Variants in TMCC3 observed in about 807,000 individuals in gnomAD.
TMCC3 encodes the protein transmembrane and coiled-coil domain family 3.
A neutral mutation model predicts 40.2 loss-of-function variants in TMCC3; 28 were observed. The ratio of observed to expected loss-of-function variants is 0.70; its 90% CI spans 0.52 to 0.95. The LOEUF is 0.95. TMCC3 is among the 40% of genes least tolerant of loss of function. The pLI is 0.00. For missense variants in TMCC3, 554 were observed against 615.2 expected (o/e 0.90, Z 1.05); for synonymous variants, 255 against 248.5 (o/e 1.03, Z -0.25).
chr12:94,615,978 C>A (rs1307946003), intron 1 of TMCC3: 1 of 985,388 alleles, frequency 1.0e-6, no homozygotes, highest in Non-Finnish European at 1.2e-6. Context: ...AGCTCACCCT[C>A]CTGCCCGAGG....
intron 1 of TMCC3, among the ~76,000 whole-genome samples, chr12:94,616,957 G>A (rs1414854094): frequency 1.3e-5 from 2 of 152,170 alleles, no homozygotes; most frequent in South Asian, 2.1e-4. Context: ...CATTTCCATG[G>A]AGCCAACTGG....
intron 1 of TMCC3, among the ~76,000 whole-genome samples, chr12:94,597,159 G>GATATATATATATATATATATATATATATA (rs2068722271): frequency 4.8e-5 from 1 of 20,972 alleles, no homozygotes; most frequent in African/African-American, 1.9e-4. Flanking sequence ...ATATATATAT[G>GATATATATATATATATATATATATATATA]TATATAAATT....
intron 2 of TMCC3, 34 bp downstream of exon 2, chr12:94,581,588 A>AC (rs2068601580): frequency 3.9e-6 from 5 of 1,278,760 alleles, no homozygotes; most frequent in Non-Finnish European, 5.0e-6. Flanking sequence ...TAAATAAAAA[A>AC]TAAAAAACAC....
At chr12:94,594,232 C>CACACACACACACAGAGAG (rs1446763750) in intron 1 of TMCC3, among the ~76,000 whole-genome samples, 10 of 147,914 alleles carry the variant, frequency 6.8e-5, no homozygotes, top group African/African-American at 2.6e-4. Context: ...CACACACACA[C>CACACACACACACAGAGAG]AGAGTGAGAG....
chr12:94,629,002 A>C (rs1170613804), intron 1 of TMCC3, among the ~76,000 whole-genome samples: 1 of 151,924 alleles, frequency 6.6e-6, no homozygotes, highest in East Asian at 1.9e-4. Context: ...CACTATAAAA[A>C]CCTGCTGGTT....
chr12:94,581,628 C>G lies in TMCC3; in HGVS notation c.989G>C (p.Arg330Thr). Reference protein sequence around the residue: ...GFISQTLQEERYRYERLEDQL... With the variant: ...GFISQTLQEETYRYERLEDQL... ...ATGGAATACTTTGAAATACCTGTATCTTTCCTCTTGCAGGGTCTGAGAAAT... is the reference window on the plus strand; with the variant it reads ...ATGGAATACTTTGAAATACCTGTATGTTTCCTCTTGCAGGGTCTGAGAAAT... Residue 330 changes from arginine to threonine, a missense_variant, in exon 2 of 4, where the codon AGA becomes ACA. Transcript: ENST00000261226. 1 of 1,514,716 alleles carries G rather than the reference C, an allele frequency of 6.6e-7. No individual in the cohort carries two copies. The highest frequency in any genetic ancestry group is 2.4e-5 in the East Asian group (1 of 41,720). The allele number at this position is 1,514,716 out of a possible 1,614,324, so 93.8% of individuals were successfully genotyped here.
At chr12:94,589,668 AT>A (rs796500353) in intron 1 of TMCC3, among the ~76,000 whole-genome samples, 8 of 152,112 alleles carry the variant, frequency 5.3e-5, no homozygotes, top group African/African-American at 1.9e-4. Flanking sequence ...CAGGCTGGAA[AT>A]TCTGGCTGTC....
chr12:94,646,501 C>T (rs890695151), intron 1 of TMCC3, among the ~76,000 whole-genome samples: 3 of 140,446 alleles, frequency 2.1e-5, no homozygotes, highest in African/African-American at 5.5e-5. Context: ...TGCAATGGCA[C>T]GATCTCAGCT....
At chr12:94,603,146 G>A (rs1007144016) in intron 1 of TMCC3, among the ~76,000 whole-genome samples, 3 of 152,144 alleles carry the variant, frequency 2.0e-5, no homozygotes, top group Non-Finnish European at 2.9e-5. Flanking sequence ...GTGCAGTGGC[G>A]CAATCTCGGT....
intron 1 of TMCC3, among the ~76,000 whole-genome samples, chr12:94,627,788 C>G (rs539968046): frequency 6.6e-6 from 1 of 152,358 alleles, no homozygotes; most frequent in East Asian, 1.9e-4. Context: ...CCCCAGCCCT[C>G]TTGTCTATTT....
chr12:94,609,206 T>C (rs1386334893), intron 1 of TMCC3, among the ~76,000 whole-genome samples: 4 of 151,864 alleles, frequency 2.6e-5, no homozygotes, highest in Non-Finnish European at 4.4e-5. Context: ...CCAGCCTGGG[T>C]GACAGAGTGA....
intron 1 of TMCC3, among the ~76,000 whole-genome samples, chr12:94,600,079 T>C (rs2068743578): frequency 6.6e-6 from 1 of 151,998 alleles, no homozygotes; most frequent in Admixed American, 6.6e-5. Context: ...AGAAAATGAA[T>C]GAATATGAAT....
intron 1 of TMCC3, among the ~76,000 whole-genome samples, chr12:94,612,921 C>G (rs1366148724): frequency 6.6e-6 from 1 of 152,114 alleles, no homozygotes; most frequent in African/African-American, 2.4e-5. Context: ...GTTAGAGGAG[C>G]AAGTGCCCCT....
At chr12:94,616,773 A>G (rs2068850432) in intron 1 of TMCC3, among the ~76,000 whole-genome samples, 1 of 152,152 alleles carries the variant, frequency 6.6e-6, no homozygotes, top group Non-Finnish European at 1.5e-5. Context: ...GATTTGGAGG[A>G]CTTGGTGCAG....
At chr12:94,599,771 G>A (rs2068741512) in intron 1 of TMCC3, among the ~76,000 whole-genome samples, 1 of 152,158 alleles carries the variant, frequency 6.6e-6, no homozygotes. Context: ...CCTAAAGACA[G>A]ATGTCTAACG....
chr12:94,633,243 G>C (rs890106958), intron 1 of TMCC3, among the ~76,000 whole-genome samples: 3 of 152,168 alleles, frequency 2.0e-5, no homozygotes, highest in African/African-American at 7.2e-5. Flanking sequence ...TTCATCCAGT[G>C]TGTGAAAACA....
At chr12:94,630,352 G>A (rs1479390619) in intron 1 of TMCC3, among the ~76,000 whole-genome samples, 1 of 152,144 alleles carries the variant, frequency 6.6e-6, no homozygotes, top group Non-Finnish European at 1.5e-5. Flanking sequence ...GGTAGCTCGG[G>A]CCTACATTTA....
At chr12:94,592,994 C>T (rs1452734388) in intron 1 of TMCC3, among the ~76,000 whole-genome samples, 4 of 151,848 alleles carry the variant, frequency 2.6e-5, no homozygotes, top group African/African-American at 7.3e-5. Context: ...CTCAGGAGTT[C>T]GAGACTAGCC....
At chr12:94,650,245 G>T in intron 1 of TMCC3, 108 bp downstream of exon 1, 1 of 633,600 alleles carries the variant, frequency 1.6e-6, no homozygotes, top group Non-Finnish European at 2.1e-6. Context: ...GCAGCGGAGG[G>T]CGGCGGCGAA....
Sources: allele counts gnomAD v4.1 joint callset (sites outside exome capture counted in the v4.1 genomes callset), GRCh38; gene constraint gnomAD v4.1.1; transcripts MANE v1.5; gene names NCBI Gene and HGNC (gene_info 2026-07-23, HGNC 2026-07-21).